LHX8: variants seen among roughly 807,000 people sequenced by gnomAD.
The protein encoded by LHX8 is LIM/homeobox protein Lhx8.
In LHX8, 12 loss-of-function variants were observed where a neutral mutation model predicts 40.3. That is an observed-to-expected ratio of 0.30 (90% CI 0.19 to 0.48). The LOEUF (loss-of-function observed/expected upper bound fraction) is 0.48. Ranked by LOEUF, LHX8 falls within the 20% of genes least tolerant of loss-of-function variation. The probability of loss-of-function intolerance (pLI) is 0.99; values close to 1 mark genes in which losing one functional copy is unlikely to be tolerated. For missense variants in LHX8, 344 were observed against 433.7 expected, an observed-to-expected ratio of 0.79 and a Z score of 1.84; for synonymous variants, 179 against 162.0, an observed-to-expected ratio of 1.10 and a Z score of -0.80.
chr1:75,152,311 G>A (rs921828224), intron 7 of LHX8, among the ~76,000 whole-genome samples: 10 of 152,148 alleles, frequency 6.6e-5, no homozygotes, highest in Non-Finnish European at 1.2e-4. Context: ...TTGTAATAAA[G>A]CAGACTGTCC....
At chr1:75,150,402 A>G (rs1310156785) in intron 7 of LHX8, among the ~76,000 whole-genome samples, 2 of 152,212 alleles carry the variant, frequency 1.3e-5, no homozygotes, top group African/African-American at 4.8e-5. Context: ...GGTATTTGAA[A>G]GAATGAACAG....
At position 75,155,297 on chromosome 1, in the gene LHX8, T is replaced by G. The variant is rs540537565; in HGVS notation, c.781-1596T>G. 2.8e-3 allele frequency among the ~76,000 whole-genome samples: 395 copies of G among 139,180 alleles called. 1 individual carries two copies. The highest frequency in any genetic ancestry group is 0.013 in the Admixed American group (167 of 12,536). 91.3% of individuals were successfully genotyped at this position (139,180 alleles called of 152,430 possible). On this transcript the variant is annotated intron_variant, in intron 7 of 8. Coordinates refer to ENST00000356261, the MANE Select transcript of LHX8 (RefSeq NM_001256114.2). ...TCGCCCAGCCTGGAGTGCAGTGGCA[T>G]GATCTTGGCTCACTGCAAGCTCCAC...
chr1:75,182,720 G>A, the LHX8 span, among the ~76,000 whole-genome samples: 8 of 152,102 alleles, frequency 5.3e-5, no homozygotes, highest in Non-Finnish European at 8.8e-5. Flanking sequence ...TGTAACTATA[G>A]CCTTGTAGTA....
chr1:75,151,176 C>T (rs1648599581), intron 7 of LHX8, among the ~76,000 whole-genome samples: 1 of 152,136 alleles, frequency 6.6e-6, no homozygotes, highest in African/African-American at 2.4e-5. Context: ...TAACAAATCA[C>T]CTGTACGAAG....
downstream of LHX8, among the ~76,000 whole-genome samples, chr1:75,164,894 G>A (rs1257638573): frequency 6.6e-6 from 1 of 151,802 alleles, no homozygotes; most frequent in South Asian, 2.1e-4. Context: ...GGCTGGTCTC[G>A]AATTCCTGGG....
At chr1:75,150,885 C>T (rs1365138717) in intron 7 of LHX8, among the ~76,000 whole-genome samples, 2 of 151,938 alleles carry the variant, frequency 1.3e-5, no homozygotes, top group Non-Finnish European at 2.9e-5. Flanking sequence ...CCATGTTGGT[C>T]AGGCTGTTCT....
At chr1:75,156,810 C>G in intron 7 of LHX8, 83 bp from the exon 8 acceptor site, 1 of 1,218,988 alleles carries the variant, frequency 8.2e-7, no homozygotes, top group Non-Finnish European at 1.2e-6. Context: ...ATTGAGGTTG[C>G]ATTCATTTTT....
intron 2 of LHX8, 31 bp downstream of exon 2, chr1:75,136,720 G>T: frequency 6.6e-7 from 1 of 1,522,050 alleles, no homozygotes; most frequent in South Asian, 1.2e-5. Context: ...GTGCTGGCAA[G>T]ACTGGCCGTG....
At chr1:75,187,861 A>G in the LHX8 span, among the ~76,000 whole-genome samples, 1 of 152,182 alleles carries the variant, frequency 6.6e-6, no homozygotes, top group African/African-American at 2.4e-5. Flanking sequence ...CAGTTGGACT[A>G]GACTGCATTC....
At chr1:75,140,119 G>A (rs1482877331) in intron 3 of LHX8, among the ~76,000 whole-genome samples, 1 of 152,184 alleles carries the variant, frequency 6.6e-6, no homozygotes, top group Non-Finnish European at 1.5e-5. Context: ...TAAAGTTGTA[G>A]CGCTTGTAAT....
At chr1:75,192,158 A>G in the LHX8 span, among the ~76,000 whole-genome samples, 1 of 152,202 alleles carries the variant, frequency 6.6e-6, no homozygotes, top group Non-Finnish European at 1.5e-5. Context: ...TGGAACAGTG[A>G]GTGGCAGATA....
Position 75,136,672 on chromosome 1 carries a change from G to C in LHX8, c.58G>C (p.Ala20Pro). 3 of 1,546,900 alleles carry C rather than the reference G, an allele frequency of 1.9e-6. No homozygotes were observed. The highest frequency in any genetic ancestry group is 2.6e-6 in the Non-Finnish European group (3 of 1,146,602). The change falls in exon 2 of 9, where the codon GCC becomes CCC. Residue 20 changes from alanine (A) to proline (P), a missense_variant. By Grantham distance (27) the Ala-to-Pro change is conservative. Transcript: ENST00000356261. The part of the protein sequence containing the change: ...ALAAGRTRKG[A>P]GEEGLVSPEG... ...GGCGGCCGGGAGGACTCGCAAAGGC[G>C]CCGGGGAAGAGGGACTGGTGAGTGC...
chr1:75,186,780 G>T, the LHX8 span, among the ~76,000 whole-genome samples: 1 of 152,072 alleles, frequency 6.6e-6, no homozygotes, highest in Non-Finnish European at 1.5e-5. Flanking sequence ...ACCATGCAGG[G>T]CACTTGGCAC....
chr1:75,130,744 G>A (rs1439892937), upstream of LHX8: 2 of 1,613,650 alleles, frequency 1.2e-6, no homozygotes, highest in Non-Finnish European at 1.7e-6. Context: ...TAAGTTTGTG[G>A]AAAGAACCTC....
chr1:75,154,283 C>T (rs1557493615), intron 7 of LHX8, among the ~76,000 whole-genome samples: 1 of 151,974 alleles, frequency 6.6e-6, no homozygotes, highest in East Asian at 1.9e-4. Context: ...TTGCAAACCT[C>T]CTTCTGCTTG....
At chr1:75,182,396 C>T in the LHX8 span, among the ~76,000 whole-genome samples, 18 of 131,266 alleles carry the variant, frequency 1.4e-4, no homozygotes, top group Non-Finnish European at 1.9e-4. Context: ...TTTTTGAGAC[C>T]GAGTTTCACT....
chr1:75,183,882 C>G, the LHX8 span, among the ~76,000 whole-genome samples: 9 of 152,170 alleles, frequency 5.9e-5, no homozygotes, highest in African/African-American at 1.9e-4. Flanking sequence ...TCAAAACACC[C>G]ATCTCACATG....
At chr1:75,138,456 A>T (rs980141128) in intron 3 of LHX8, among the ~76,000 whole-genome samples, 2 of 152,232 alleles carry the variant, frequency 1.3e-5, no homozygotes, top group African/African-American at 2.4e-5. Context: ...AAAGATTTAA[A>T]AATGACTAAA....
chr1:75,134,672 T>C lies in LHX8; in HGVS notation c.-295T>C, dbSNP rs1648067882. On this transcript the variant is annotated 5_prime_UTR_variant, in exon 1 of 9. Transcript: ENST00000356261. The stretch of plus-strand genomic sequence containing the variant: ...GTGTGTAAACTAGTAGCAAAGGACG[T>C]GCCGGAGCTGGCAGTTCCCCCTGAG... Among the ~76,000 whole-genome samples the C allele has an allele frequency of 6.6e-6, 1 of 152,062 alleles. No homozygotes were observed. Among genetic ancestry groups the C allele is most frequent in the African/African-American group, 2.4e-5 (1 of 41,388 alleles).
Sources: gnomAD v4.1 joint callset for allele counts (sites outside exome capture counted in the v4.1 genomes callset) on GRCh38, gnomAD v4.1.1 for gene constraint, MANE v1.5 for transcripts, NCBI Gene and HGNC (gene_info 2026-07-23, HGNC 2026-07-21) for gene names.